The following ZNF91 variants were observed in gnomAD, a reference collection of about 807,000 sequenced individuals.
ZNF91 encodes the protein zinc finger protein 91.
In ZNF91, 7 loss-of-function variants were observed where a neutral mutation model predicts 12.6. That is an observed-to-expected ratio of 0.55 (90% CI 0.31 to 1.04). The LOEUF is 1.04. Ranked by LOEUF, ZNF91 falls within the 50% of genes least tolerant of loss-of-function variation. The pLI is 0.05. For synonymous variants in ZNF91, 453 were observed against 462.6 expected (o/e 0.98, Z 0.27); for missense variants, 1,217 against 1,385.4 (o/e 0.88, Z 1.93).
At chr19:23,389,578 T>C (rs1303287060) in intron 1 of ZNF91, among the ~76,000 whole-genome samples, 3 of 152,162 alleles carry the variant, frequency 2.0e-5, no homozygotes, top group African/African-American at 7.2e-5. Context: ...GCTCCTTTCC[T>C]CTAAGTTTTA....
At chr19:23,374,556 T>C in intron 2 of ZNF91, 82 bp downstream of exon 2, 8 of 1,161,236 alleles carry the variant, frequency 6.9e-6, no homozygotes, top group Non-Finnish European at 9.1e-6. Context: ...CAAGACTCTG[T>C]CTCAAAAAAA....
At chr19:23,318,078 C>T (rs183511035) in intron 1 of ZNF91, among the ~76,000 whole-genome samples, 1 of 152,272 alleles carries the variant, frequency 6.6e-6, no homozygotes, top group East Asian at 1.9e-4. Context: ...CTTGGCACCG[C>T]CCACAGACAG....
intron 2 of ZNF91, among the ~76,000 whole-genome samples, 191 bp from the exon 3 acceptor site, chr19:23,374,028 C>G (rs537512418): frequency 2.6e-5 from 4 of 152,082 alleles, no homozygotes; most frequent in African/African-American, 9.6e-5. Context: ...CTGCTTGGTA[C>G]TACTGTATCA....
intron 1 of ZNF91, chr19:23,385,016 G>A: frequency 8.2e-7 from 1 of 1,222,962 alleles, no homozygotes; most frequent in African/African-American, 1.5e-5. Flanking sequence ...TTGGAGAACG[G>A]GACAGTCCAC....
At chr19:23,355,295 A>G (rs975266113), downstream of ZNF91, among the ~76,000 whole-genome samples, 2 of 152,140 alleles carry the variant, frequency 1.3e-5, no homozygotes, top group Non-Finnish European at 2.9e-5. Flanking sequence ...ACCCAGAAAT[A>G]AACCCAAATA....
intron 1 of ZNF91, chr19:23,310,438 G>A (rs1000839228): frequency 6.6e-6 from 1 of 152,152 alleles, no homozygotes; most frequent in African/African-American, 2.4e-5. Context: ...TCTAATAAGG[G>A]AACACAGTAC....
At chr19:23,306,149 G>A (rs545237181) in intron 3 of ZNF91, among the ~76,000 whole-genome samples, 2 of 152,346 alleles carry the variant, frequency 1.3e-5, no homozygotes, top group East Asian at 3.9e-4. Flanking sequence ...GGTACCAATA[G>A]TAATGCAAAT....
At chr19:23,392,413 A>G (rs929810306) in intron 1 of ZNF91, among the ~76,000 whole-genome samples, 1 of 151,160 alleles carries the variant, frequency 6.6e-6, no homozygotes, top group African/African-American at 2.4e-5. Context: ...AAAAAAAAAA[A>G]GAAAAAAAAA....
chr19:23,311,754 C>G (rs957227627), upstream of ZNF91, among the ~76,000 whole-genome samples: 60 of 152,116 alleles, frequency 3.9e-4, no homozygotes, highest in Non-Finnish European at 2.9e-4. Context: ...GCCTGGCCCC[C>G]ACGTATATTG....
intron 3 of ZNF91, among the ~76,000 whole-genome samples, chr19:23,366,070 A>G (rs929505673): frequency 2.0e-5 from 3 of 152,184 alleles, no homozygotes; most frequent in African/African-American, 7.2e-5. Context: ...CCCGTTCTCA[A>G]TGAGCCGTTG....
At position 23,316,495 on chromosome 19, in the gene ZNF91, C is replaced by T. The variant is rs574422271; in HGVS notation, n.117-7398G>A. Among the ~76,000 whole-genome samples, 77 of 152,256 alleles carry T rather than the reference C, an allele frequency of 5.1e-4. No homozygotes were observed. The South Asian group carries it at 0.012, about 23-fold the overall frequency. On this transcript the variant is annotated intron_variant and non_coding_transcript_variant, in intron 1 of 1. Coordinates refer to the ZNF91 transcript ENST00000596528. The stretch of plus-strand genomic sequence containing the variant: ...AGCCTGCACCCTGCAGGGGTTGTAA[C>T]GTATTCCTGGCTGAGTACCCAGGTG...
intron 1 of ZNF91, among the ~76,000 whole-genome samples, chr19:23,329,798 T>C (rs974622209): frequency 5.3e-5 from 8 of 152,184 alleles, no homozygotes; most frequent in African/African-American, 1.7e-4. Flanking sequence ...GCTGAGTTGG[T>C]ACATGCTAGA....
chr19:23,390,999 T>C (rs1343541718), intron 1 of ZNF91, among the ~76,000 whole-genome samples: 1 of 152,252 alleles, frequency 6.6e-6, no homozygotes. Context: ...AGAGAATAAT[T>C]TGTATTTCTT....
In ZNF91 at chr19:23,362,415, G is replaced by C. The variant is rs1004196765; in HGVS notation, c.564C>G (p.Val188=). Residue 188 remains valine, a synonymous_variant, in exon 4 of 4, where the codon GTC becomes GTG. Transcript: ENST00000300619. ...GKKCFKCKKC[V]KSFCIRLHKT... is the part of the protein sequence containing the mutation. ...TGTGTAAACGGATGCAAAATGACTTGACACATTTTTTACATTTGAAGCATT... is the reference window on the plus strand; with the variant it reads ...TGTGTAAACGGATGCAAAATGACTTCACACATTTTTTACATTTGAAGCATT... 6.2e-7 allele frequency: 1 copy of C among 1,613,912 alleles called. No individual in the cohort carries two copies.
chr19:23,373,346 T>TATA (rs1491403502), intron 3 of ZNF91, among the ~76,000 whole-genome samples: 6 of 85,802 alleles, frequency 7.0e-5, no homozygotes, highest in Non-Finnish European at 1.3e-4. Context: ...TCATGTAATC[T>TATA]TATATATATA....
At chr19:23,326,410 C>T (rs1967838366) in intron 1 of ZNF91, 1 of 152,104 alleles carries the variant, frequency 6.6e-6, no homozygotes. Flanking sequence ...TCACTGCAGG[C>T]TCTGCCTCCC....
intron 1 of ZNF91, among the ~76,000 whole-genome samples, chr19:23,376,482 C>T (rs985254115): frequency 1.5e-4 from 23 of 151,738 alleles, no homozygotes; most frequent in Non-Finnish European, 2.1e-4. Flanking sequence ...CTCTGCCTCC[C>T]GGGTTCAAGC....
chr19:23,340,425 C>T (rs983934105), intron 3 of ZNF91, among the ~76,000 whole-genome samples: 1 of 151,900 alleles, frequency 6.6e-6, no homozygotes, highest in Non-Finnish European at 1.5e-5. Flanking sequence ...AACCTGAAAA[C>T]CTAGAAAGAA....
At chr19:23,380,216 G>GAGATTGCA (rs1969653839) in intron 1 of ZNF91, 1 of 132,552 alleles carries the variant, frequency 7.5e-6, no homozygotes, top group Non-Finnish European at 1.5e-5. Flanking sequence ...CCGAGATTGC[G>GAGATTGCA]AGATTGCACC....
Sources: allele counts gnomAD v4.1 joint callset (sites outside exome capture counted in the v4.1 genomes callset), GRCh38; gene constraint gnomAD v4.1.1; transcripts MANE v1.5; gene names NCBI Gene and HGNC (gene_info 2026-07-23, HGNC 2026-07-21).